POLA1: variants seen among roughly 807,000 people sequenced by gnomAD.
POLA1 encodes DNA polymerase alpha catalytic subunit.
Under a neutral mutation model 124.0 loss-of-function variants are expected in POLA1, and 15 were observed. The observed-to-expected ratio is 0.12, with a 90% CI of 0.08 to 0.19. The LOEUF (loss-of-function observed/expected upper bound fraction) is 0.19. POLA1 is among the 10% of genes least tolerant of loss of function. POLA1 has a pLI of 1.00. For missense variants in POLA1, 886 were observed against 1,103.4 expected, an observed-to-expected ratio of 0.80 and a Z score of 2.79; for synonymous variants, 408 against 389.4, an observed-to-expected ratio of 1.05 and a Z score of -0.56.
intron 26 of POLA1, among the ~76,000 whole-genome samples, chrX:24,753,317 CTATTTTATTT>C (rs368623044): frequency 0.068 from 6,057 of 89,555 alleles, 419 homozygotes; most frequent in African/African-American, 0.2. Flanking sequence ...CACGCCAGGC[CTATTTTATTT>C]TATTTTATTT....
chrX:24,831,654 C>T (rs2046263284), intron 32 of POLA1, among the ~76,000 whole-genome samples: 1 of 111,917 alleles, frequency 8.9e-6, no homozygotes. Context: ...CTCCTGACCT[C>T]AGGTGATCCG....
intron 32 of POLA1, among the ~76,000 whole-genome samples, chrX:24,837,993 C>T (rs1389275942): frequency 1.8e-5 from 2 of 111,902 alleles, no homozygotes; most frequent in East Asian, 5.6e-4. Context: ...AAGTTATGAA[C>T]AGTTTAAAAA....
Position 24,727,049 on chromosome X carries a change from T to C in POLA1, c.1509T>C (p.Cys503=), listed in dbSNP as rs369492115. ...FLMNRKIKGP[C]WLEVKSPQLL... ...TGAACAGAAAGATCAAAGGACCTTGTTGGCTTGAAGTAAAAAGTCCACGTA... is the reference window on the plus strand; with the variant it reads ...TGAACAGAAAGATCAAAGGACCTTGCTGGCTTGAAGTAAAAAGTCCACGTA... The change falls in exon 14 of 37, where the codon TGT becomes TGC. Residue 503 remains cysteine (C), a synonymous_variant. Transcript: ENST00000379068. 1.7e-6 allele frequency: 2 copies of C among 1,202,502 alleles called. No individual in the cohort carries two copies. The highest frequency in any genetic ancestry group is 1.8e-5 in the South Asian group (1 of 55,256).
At chrX:24,902,526 C>T (rs764162103) in intron 35 of POLA1, among the ~76,000 whole-genome samples, 2 of 111,691 alleles carry the variant, frequency 1.8e-5, no homozygotes, top group Non-Finnish European at 3.8e-5. Flanking sequence ...CAGACTATGC[C>T]CTTCTTTTTG....
intron 26 of POLA1, 110 bp from the exon 27 acceptor site, chrX:24,809,788 T>G: frequency 2.1e-6 from 1 of 471,440 alleles, no homozygotes; most frequent in Non-Finnish European, 3.5e-6. Flanking sequence ...TTCAAGAGCT[T>G]TAGAAATACA....
intron 26 of POLA1, among the ~76,000 whole-genome samples, chrX:24,774,195 T>TTGCCC (rs2045093132): frequency 9.2e-6 from 1 of 108,386 alleles, no homozygotes; most frequent in South Asian, 3.8e-4. Flanking sequence ...CTGCTAATCC[T>TTGCCC]TGCCCACTCT....
intron 23 of POLA1, among the ~76,000 whole-genome samples, chrX:24,744,956 AAAAAAT>A (rs1384579113): frequency 1.2e-5 from 1 of 86,845 alleles, no homozygotes; most frequent in Non-Finnish European, 2.1e-5. Context: ...GACTCAAAAA[AAAAAAT>A]AAAAATAAAA....
chrX:24,926,429 A>C (rs1409646162), intron 35 of POLA1, among the ~76,000 whole-genome samples: 3 of 111,510 alleles, frequency 2.7e-5, no homozygotes, highest in African/African-American at 9.8e-5. Context: ...CCGTACACCT[A>C]GTATTTGTGT....
Position 24,800,874 on chromosome X carries a change from G to A in POLA1, c.2965-9024G>A, listed in dbSNP as rs909914803. 3.6e-5 allele frequency among the ~76,000 whole-genome samples: 4 copies of A among 111,739 alleles called. No individual in the cohort carries two copies. The South Asian group carries it at 1.5e-3, about 42-fold the overall frequency. On this transcript the variant is annotated intron_variant, in intron 26 of 36. Transcript: ENST00000379068. Reference sequence around the variant, plus strand: ...TAGTTTGTAGTATTTTAAGTTTTGGGATCAAAATAATAGCCCTGTCAAACT... The same window carrying A: ...TAGTTTGTAGTATTTTAAGTTTTGGAATCAAAATAATAGCCCTGTCAAACT...
chrX:24,702,316 A>T (rs1447027625), intron 2 of POLA1, among the ~76,000 whole-genome samples: 2 of 110,652 alleles, frequency 1.8e-5, no homozygotes, highest in African/African-American at 6.6e-5. Context: ...TGATCCACCC[A>T]CCTGGGCCTC....
At chrX:24,742,198 T>C in intron 22 of POLA1, 77 bp downstream of exon 22, 3 of 883,578 alleles carry the variant, frequency 3.4e-6, no homozygotes, top group South Asian at 2.3e-5. Flanking sequence ...GCCTTTTTTT[T>C]CTGTGATAAC....
chrX:24,717,216 C>T (rs1195345584), intron 8 of POLA1, 74 bp from the exon 9 acceptor site: 30 of 886,655 alleles, frequency 3.4e-5, no homozygotes, highest in South Asian at 3.2e-4. Flanking sequence ...AGCCTTTGTG[C>T]GCCTTTGTGT....
intron 32 of POLA1, among the ~76,000 whole-genome samples, chrX:24,839,447 G>A (rs889351613): frequency 1.8e-5 from 2 of 112,070 alleles, no homozygotes; most frequent in African/African-American, 6.5e-5. Context: ...TTTTTCGCAA[G>A]TTGCAGCCAG....
chrX:24,982,828 T>C (rs1311681435), intron 36 of POLA1, among the ~76,000 whole-genome samples: 2 of 111,214 alleles, frequency 1.8e-5, no homozygotes, highest in African/African-American at 6.5e-5. Flanking sequence ...TACGTTGTAT[T>C]TGATGTATTT....
chrX:24,994,820 C>T (rs781507430), intron 36 of POLA1, among the ~76,000 whole-genome samples: 8 of 111,279 alleles, frequency 7.2e-5, no homozygotes, highest in South Asian at 3.8e-4. Context: ...CTGAACACAG[C>T]GTCATCCCCC....
chrX:24,986,102 G>A (rs1444740305), intron 36 of POLA1, among the ~76,000 whole-genome samples: 2 of 111,525 alleles, frequency 1.8e-5, no homozygotes, highest in African/African-American at 6.5e-5. Context: ...AACCCGGGAG[G>A]CAGAGGTTGC....
In POLA1 at chrX:24,841,777, C is replaced by T; in HGVS notation, c.3862C>T (p.Pro1288Ser). The change falls in exon 33 of 37, where the codon CCA becomes TCA. Residue 1288 changes from proline to serine, a missense_variant. Pro to Ser is a moderately conservative substitution (Grantham distance 74). Coordinates refer to ENST00000379068, the MANE Select transcript of POLA1 (RefSeq NM_001330360.2). Reference protein sequence around the residue: ...KYRDCERFKCPCPTCGTENIY... With the variant: ...KYRDCERFKCSCPTCGTENIY... ...CAGGGACTGTGAAAGATTCAAATGT[C>T]CATGCCCTACATGTGGAACTGAGAA... The T allele has an allele frequency of 2.5e-6, 3 of 1,198,196 alleles. No homozygotes were observed. The highest frequency in any genetic ancestry group is 3.4e-6 in the Non-Finnish European group (3 of 884,326).
intron 24 of POLA1, among the ~76,000 whole-genome samples, chrX:24,747,729 T>TC (rs1200946818): frequency 3.8e-5 from 4 of 106,060 alleles, no homozygotes; most frequent in African/African-American, 1.1e-4. Flanking sequence ...TAAAAATGTA[T>TC]CCCTTTTTTT....
chrX:24,831,946 A>G (rs114515515), intron 32 of POLA1, among the ~76,000 whole-genome samples: 101 of 111,735 alleles, frequency 9.0e-4, no homozygotes, highest in African/African-American at 3.2e-3. Context: ...CATAATAGGC[A>G]CTGTGAAGGA....
Sources: gnomAD v4.1 joint callset for allele counts (sites outside exome capture counted in the v4.1 genomes callset) on GRCh38, gnomAD v4.1.1 for gene constraint, MANE v1.5 for transcripts, NCBI Gene and HGNC (gene_info 2026-07-23, HGNC 2026-07-21) for gene names.